NAGPA: variants seen among roughly 807,000 people sequenced by gnomAD.
NAGPA encodes the protein alpha-N-acetylglucosaminyl phosphodiesterase.
Under a neutral mutation model 48.5 loss-of-function variants are expected in NAGPA, and 56 were observed. That is an observed-to-expected ratio of 1.15 (90% CI 0.93 to 1.44). The LOEUF (loss-of-function observed/expected upper bound fraction) is 1.44. Among genes scored for constraint, NAGPA ranks in the 40% most tolerant of loss-of-function variants. The probability of loss-of-function intolerance (pLI) is 0.00; values close to 1 mark genes in which losing one functional copy is unlikely to be tolerated. For missense variants in NAGPA, 888 were observed against 735.0 expected (o/e 1.21, Z -2.41); for synonymous variants, 399 against 315.5 (o/e 1.26, Z -2.81).
chr16:5,025,569 T>C lies in NAGPA; in HGVS notation c.1457A>G (p.Tyr486Cys), dbSNP rs181069423. The change falls in exon 10 of 10, where the codon TAT (tyrosine) becomes TGT (cysteine). Residue 486 changes from tyrosine to cysteine, a missense_variant. Coordinates refer to ENST00000312251, the MANE Select transcript of NAGPA (RefSeq NM_016256.4). Reference protein sequence around the residue: ...AERNRRLHGDYAYHPLQEMNG... With the variant: ...AERNRRLHGDCAYHPLQEMNG... Reference sequence around the variant, plus strand: ...CATCTCCTGCAGCGGGTGGTATGCATAGTCCCCATGCAGGCGCCGGTTCCT... The same window carrying C: ...CATCTCCTGCAGCGGGTGGTATGCACAGTCCCCATGCAGGCGCCGGTTCCT... The C allele has an allele frequency of 1.6e-4, 264 of 1,613,768 alleles. No homozygotes were observed. The East Asian group carries it at 1.8e-3, about 11-fold the overall frequency.
At chr16:5,025,780 G>A in intron 9 of NAGPA, 95 bp from the exon 10 acceptor site, 1 of 1,322,764 alleles carries the variant, frequency 7.6e-7, no homozygotes, top group Admixed American at 2.0e-5. Context: ...GGCATAGATA[G>A]CACTAAATCA....
rs149067161 is a variant in NAGPA at position 5,030,466 on chromosome 16, A to T, written c.710T>A (p.Ile237Lys). ...GTGGCCAATGGCCGTCCTGGCTGAT[A>T]TCACATTCACAAATTTGCTAAAGGA... ...TGSFSKFVNV[I>K]SARTAIGHDR... The change falls in exon 4 of 10, where the codon ATA (isoleucine) becomes AAA (lysine). Residue 237 changes from isoleucine (I) to lysine (K), a missense_variant. Ile to Lys is a moderately radical substitution (Grantham distance 102, BLOSUM62 -3). Coordinates refer to ENST00000312251, the MANE Select transcript of NAGPA (RefSeq NM_016256.4). 8.2e-5 allele frequency: 128 copies of T among 1,554,120 alleles called. No individual in the cohort carries two copies. Among genetic ancestry groups the T allele is most frequent in the Admixed American group, 1.2e-4 (6 of 51,334 alleles).
intron 4 of NAGPA, chr16:5,029,779 C>G (rs1306303923): frequency 6.2e-6 from 1 of 160,156 alleles, no homozygotes; most frequent in Non-Finnish European, 1.4e-5. Flanking sequence ...CAAAAATTAG[C>G]TGGGTGTGGT....
In NAGPA at chr16:5,025,315, C is replaced by T. The variant is rs571136923; in HGVS notation, c.*163G>A. The T allele has an allele frequency of 6.2e-6, 5 of 810,042 alleles. No homozygotes were observed. The East Asian group carries it at 1.2e-4, about 20-fold the overall frequency. 50.2% of individuals were successfully genotyped at this position (810,042 alleles called of 1,614,324 possible). Reference sequence around the variant, plus strand: ...GGTTGCAGGTGCCCTGGCAGGTGGCCAGGTGAGGGGCTGAGGCACAAGTGC... The same window carrying T: ...GGTTGCAGGTGCCCTGGCAGGTGGCTAGGTGAGGGGCTGAGGCACAAGTGC... On this transcript the variant is annotated 3_prime_UTR_variant, in exon 10 of 10. Transcript: ENST00000312251.
In NAGPA at chr16:5,027,883, G is replaced by A; in HGVS notation, c.1137C>T (p.Arg379=). 2 of 1,586,266 alleles carry A rather than the reference G, an allele frequency of 1.3e-6. No homozygotes were observed. The highest frequency in any genetic ancestry group is 2.3e-5 in the East Asian group (1 of 43,160). ...TGGACCCGGTCCATCCGGCATCACA[G>A]CGGCAGCCGGCTGCCGAGACAAGAC... ...QHGLCTETGC[R]CDAGWTGSNC... The change falls in exon 7 of 10, where the codon CGC becomes CGT. Residue 379 remains arginine (R), a synonymous_variant. Transcript: ENST00000312251.
At chr16:5,026,331 A>C (rs933287438) in intron 9 of NAGPA, among the ~76,000 whole-genome samples, 2 of 148,328 alleles carry the variant, frequency 1.3e-5, no homozygotes, top group Non-Finnish European at 1.5e-5. Flanking sequence ...GTATCACTTG[A>C]GGTCAGGAGT....
intron 3 of NAGPA, 112 bp from the exon 4 acceptor site, chr16:5,030,605 C>A (rs1322622762): frequency 3.4e-6 from 3 of 877,888 alleles, no homozygotes; most frequent in African/African-American, 1.7e-5. Context: ...GGAAGCACAG[C>A]AGCCTCCTTG....
chr16:5,026,173 C>A lies in NAGPA; in HGVS notation c.1341-488G>T, dbSNP rs552160564. Among the ~76,000 whole-genome samples, 63 of 149,398 alleles carry A rather than the reference C, an allele frequency of 4.2e-4. 1 individual carries two copies. The highest frequency in any genetic ancestry group is 5.2e-4 in the Non-Finnish European group (35 of 67,578). On this transcript the variant is annotated intron_variant, in intron 9 of 9. Transcript: ENST00000312251. Reference sequence around the variant, plus strand: ...TGAACTCCTGACCTCAAGTGATCCACCTGCCTCGGCCTCCCAAAGTGCTAG... The same window carrying A: ...TGAACTCCTGACCTCAAGTGATCCAACTGCCTCGGCCTCCCAAAGTGCTAG...
intron 2 of NAGPA, among the ~76,000 whole-genome samples, 181 bp from the exon 3 acceptor site, chr16:5,032,065 C>A (rs1263951907): frequency 1.3e-5 from 2 of 152,158 alleles, no homozygotes; most frequent in South Asian, 2.1e-4. Context: ...GTTGTCAGAG[C>A]TGAAGCTGGA....
chr16:5,032,442 G>A (rs1956117148), intron 2 of NAGPA, among the ~76,000 whole-genome samples: 2 of 151,908 alleles, frequency 1.3e-5, no homozygotes, highest in South Asian at 2.1e-4. Context: ...GATCACTTGA[G>A]GTCAGGAGTT....
In NAGPA at chr16:5,027,860, G is replaced by C. The variant is rs764144155; in HGVS notation, c.1160C>G (p.Ser387Cys). ...GCAGCTCCTACCTTCACTGCAGTTG[G>C]ACCCGGTCCATCCGGCATCACAGCG... Reference protein sequence around the residue: ...GCRCDAGWTGSNCSEECPLGW... With the variant: ...GCRCDAGWTGCNCSEECPLGW... The change falls in exon 7 of 10, where the codon TCC becomes TGC. Residue 387 changes from serine (S) to cysteine (C), a missense_variant. Ser to Cys is a moderately radical substitution (Grantham distance 112, BLOSUM62 -1). Coordinates refer to ENST00000312251, the MANE Select transcript of NAGPA (RefSeq NM_016256.4). 1.3e-6 allele frequency: 2 copies of C among 1,566,878 alleles called. No individual in the cohort carries two copies. Among genetic ancestry groups the C allele is most frequent in the Admixed American group, 1.9e-5 (1 of 52,784 alleles).
In NAGPA at chr16:5,033,909, C is replaced by T. The variant is rs1406730798; in HGVS notation, c.6G>A (p.Ala2=). Residue 2 remains alanine (A), a synonymous_variant, in exon 1 of 10, where the codon GCG becomes GCA. Coordinates refer to ENST00000312251, the MANE Select transcript of NAGPA (RefSeq NM_016256.4). This position sits in a 1 kb window ranked among gnomAD's most constrained non-coding sequence, Gnocchi z 4.2. The part of the protein sequence containing the change: M[A]TSTGRWLLLR... ...GGAGAAGCCAGCGACCCGTGGAGGT[C>T]GCCATATTGGACCGGGGCCTCGGGT... 2 of 1,549,132 alleles carry T rather than the reference C, an allele frequency of 1.3e-6. No individual in the cohort carries two copies. Among genetic ancestry groups the T allele is most frequent in the Non-Finnish European group, 1.7e-6 (2 of 1,146,882 alleles).
In NAGPA at chr16:5,033,512, C is replaced by T. The variant is rs1345499144; in HGVS notation, c.303G>A (p.Leu101=). 3.2e-6 allele frequency: 5 copies of T among 1,538,784 alleles called. No homozygotes were observed. The highest frequency in any genetic ancestry group is 4.3e-6 in the Non-Finnish European group (5 of 1,151,412). The change falls in exon 2 of 10, where the codon CTG becomes CTA. Residue 101 remains leucine, a synonymous_variant. Coordinates refer to ENST00000312251, the MANE Select transcript of NAGPA (RefSeq NM_016256.4). This position sits in a 1 kb window ranked among gnomAD's most constrained non-coding sequence, Gnocchi z 4.2. ...AGHLTRAVEP[L]RTFSVLEPGG... ...CGGGCTCCAGCACCGAGAAGGTGCG[C>T]AGGGGCTCAACGGCCCGCGTCAGGT...
chr16:5,033,752 C>G lies in NAGPA; in HGVS notation c.87-24G>C. 6.3e-7 allele frequency: 1 copy of G among 1,596,434 alleles called. No individual in the cohort carries two copies. The highest frequency in any genetic ancestry group is 8.5e-7 in the Non-Finnish European group (1 of 1,173,024). On this transcript the variant is annotated intron_variant, in intron 1 of 9. Coordinates refer to ENST00000312251, the MANE Select transcript of NAGPA (RefSeq NM_016256.4). This position sits in a 1 kb window ranked among gnomAD's most constrained non-coding sequence, Gnocchi z 4.2. ...CCCTGCGGGGACGGGCGGCCGTGAG[C>G]TCAGGGGGCTGTCCTCGTGAGCTCG...
Position 5,033,139 on chromosome 16 carries a change from C to A in NAGPA, c.542+134G>T. ...ATGATGAATAAACTCTGCAAGGAAG[C>A]GATTCCTATCCCCATTCTGCAGAGG... On this transcript the variant is annotated intron_variant, in intron 2 of 9. Transcript: ENST00000312251. This position sits in a 1 kb window ranked among gnomAD's most constrained non-coding sequence, Gnocchi z 4.2. 2 of 1,045,618 alleles carry A rather than the reference C, an allele frequency of 1.9e-6. No homozygotes were observed. Among genetic ancestry groups the A allele is most frequent in the Non-Finnish European group, 2.8e-6 (2 of 712,196 alleles). 64.8% of individuals were successfully genotyped at this position (1,045,618 alleles called of 1,614,324 possible).
intron 3 of NAGPA, chr16:5,030,769 C>T (rs1956083298): frequency 2.0e-6 from 1 of 496,690 alleles, no homozygotes; most frequent in Non-Finnish European, 3.7e-6. Context: ...GCCAGCATGC[C>T]CTCCCCAGCC....
rs766757654 is a variant in NAGPA, at chr16:5,030,440, C to T, written c.736G>A (p.Asp246Asn). 50 of 1,554,550 alleles carry T rather than the reference C, an allele frequency of 3.2e-5. No homozygotes were observed. The highest frequency in any genetic ancestry group is 2.4e-4 in the South Asian group (20 of 84,246). ...AAGAGCACCAGCTGCCCTTTCCGGT[C>T]GTGGCCAATGGCCGTCCTGGCTGAT... ...VISARTAIGH[D>N]RKGQLVLFHA... Residue 246 changes from aspartate (D) to asparagine (N), a missense_variant, in exon 4 of 10, where the codon GAC (aspartate) becomes AAC (asparagine). Transcript: ENST00000312251.
chr16:5,029,853 G>C (rs1241783640), intron 4 of NAGPA: 7 of 168,106 alleles, frequency 4.2e-5, no homozygotes, highest in African/African-American at 1.4e-4. Context: ...GAACCTGAGA[G>C]GTAGAGGTTG....
At position 5,027,908 on chromosome 16, in the gene NAGPA, C is replaced by A; in HGVS notation, c.1127-15G>T. 1 of 1,607,516 alleles carries A rather than the reference C, an allele frequency of 6.2e-7. No homozygotes were observed. Among genetic ancestry groups the A allele is most frequent in the Non-Finnish European group, 8.5e-7 (1 of 1,177,166 alleles). ...GCGGCAGCCGGCTGCCGAGACAAGA[C>A]CGGGGAGGCCAGGTGAGGGCCTAGG... On this transcript the variant is annotated splice_polypyrimidine_tract_variant and intron_variant, in intron 6 of 9. Coordinates refer to ENST00000312251, the MANE Select transcript of NAGPA (RefSeq NM_016256.4).
Sources: gnomAD v4.1 joint callset for allele counts (sites outside exome capture counted in the v4.1 genomes callset) on GRCh38, gnomAD v4.1.1 for gene constraint, Gnocchi (gnomAD v3.1) non-coding constraint, MANE v1.5 for transcripts, NCBI Gene and HGNC (gene_info 2026-07-23, HGNC 2026-07-21) for gene names.